The following SYN3 variants were observed in gnomAD, a reference collection of about 807,000 sequenced individuals.
SYN3 encodes the protein synapsin III.
SYN3 carries 35 observed loss-of-function variants against 65.8 expected under a neutral mutation model. The ratio of observed to expected loss-of-function variants is 0.53; its 90% confidence interval spans 0.41 to 0.70. The LOEUF is 0.70. SYN3 is among the 30% of genes least tolerant of loss of function. The pLI is 0.00. For missense variants in SYN3, 680 were observed against 749.0 expected, an observed-to-expected ratio of 0.91 and a Z score of 1.08; for synonymous variants, 270 against 292.9, an observed-to-expected ratio of 0.92 and a Z score of 0.80.
intron 6 of SYN3, among the ~76,000 whole-genome samples, chr22:32,715,599 T>C (rs2061026554): frequency 1.3e-5 from 2 of 151,782 alleles, no homozygotes; most frequent in Non-Finnish European, 2.9e-5. Context: ...GCCAAGATGG[T>C]GAAACCCCGT....
At chr22:32,657,981 G>A (rs1197807546) in intron 6 of SYN3, among the ~76,000 whole-genome samples, 4 of 152,218 alleles carry the variant, frequency 2.6e-5, no homozygotes, top group Admixed American at 2.6e-4. Flanking sequence ...CTCCCTCAGT[G>A]CCCTGCAGAG....
intron 12 of SYN3, among the ~76,000 whole-genome samples, chr22:32,527,452 T>C (rs1275944568): frequency 6.6e-6 from 1 of 151,990 alleles, no homozygotes; most frequent in African/African-American, 2.4e-5. Context: ...CTACAAAAAT[T>C]AGCTGGGCGT....
At chr22:33,042,141 A>G in intron 1 of SYN3, among the ~76,000 whole-genome samples, 1 of 152,164 alleles carries the variant, frequency 6.6e-6, no homozygotes, top group South Asian at 2.1e-4. Context: ...GCAAACCAGG[A>G]AAAAGGGCCC....
At chr22:32,556,856 G>C (rs191408961) in intron 7 of SYN3, among the ~76,000 whole-genome samples, 2 of 125,020 alleles carry the variant, frequency 1.6e-5, no homozygotes, top group African/African-American at 6.5e-5. Flanking sequence ...ATGGGGTCTT[G>C]CTGTGTTGCC....
intron 6 of SYN3, among the ~76,000 whole-genome samples, chr22:32,634,353 T>A (rs2059786421): frequency 1.3e-5 from 2 of 152,164 alleles, no homozygotes; most frequent in South Asian, 4.1e-4. Flanking sequence ...AGAAGCATGA[T>A]CACCCAAATC....
At chr22:32,870,260 T>C (rs1390201770) in intron 4 of SYN3, among the ~76,000 whole-genome samples, 1 of 152,210 alleles carries the variant, frequency 6.6e-6, no homozygotes, top group African/African-American at 2.4e-5. Flanking sequence ...ATATACATTT[T>C]TGATCCAATG....
At chr22:32,964,779 A>T (rs2051774825) in intron 3 of SYN3, among the ~76,000 whole-genome samples, 1 of 152,224 alleles carries the variant, frequency 6.6e-6, no homozygotes, top group African/African-American at 2.4e-5. Context: ...CCATATACTC[A>T]GAACTCCACA....
chr22:32,587,137 G>A (rs1315147637), intron 7 of SYN3, among the ~76,000 whole-genome samples: 6 of 149,798 alleles, frequency 4.0e-5, no homozygotes, highest in Non-Finnish European at 7.4e-5. Flanking sequence ...CAGGAGAATC[G>A]CTTGAACCTG....
At chr22:32,876,528 A>G (rs1383078227) in intron 4 of SYN3, among the ~76,000 whole-genome samples, 1 of 152,136 alleles carries the variant, frequency 6.6e-6, no homozygotes, top group African/African-American at 2.4e-5. Flanking sequence ...TGCTGGCCTT[A>G]AAGAGTGAGA....
intron 6 of SYN3, among the ~76,000 whole-genome samples, chr22:32,663,375 T>C (rs1289566153): frequency 6.6e-6 from 1 of 151,326 alleles, no homozygotes; most frequent in African/African-American, 2.4e-5. Context: ...CTTGGCTCAC[T>C]GCAAGCTCCG....
At chr22:32,615,419 G>A (rs1186719906) in intron 6 of SYN3, among the ~76,000 whole-genome samples, 1 of 106,034 alleles carries the variant, frequency 9.4e-6, no homozygotes, top group Non-Finnish European at 1.8e-5. Context: ...GGGCGTCAGA[G>A]CAAGACTTCA....
intron 6 of SYN3, among the ~76,000 whole-genome samples, chr22:32,671,300 GCA>G (rs888069005): frequency 2.0e-5 from 3 of 150,350 alleles, no homozygotes; most frequent in African/African-American, 7.4e-5. Flanking sequence ...TCACAGACAC[GCA>G]CACATTCACA....
intron 6 of SYN3, among the ~76,000 whole-genome samples, chr22:32,606,073 GGCC>G (rs2059367904): frequency 6.6e-6 from 1 of 152,200 alleles, no homozygotes; most frequent in Non-Finnish European, 1.5e-5. Flanking sequence ...GGATGCCCAG[GGCC>G]TGGCTGGCCT....
chr22:32,747,844 T>G (rs1159020550), intron 6 of SYN3, among the ~76,000 whole-genome samples: 1 of 152,232 alleles, frequency 6.6e-6, no homozygotes, highest in African/African-American at 2.4e-5. Flanking sequence ...GGGCCTGCCC[T>G]GTCCACTCAT....
chr22:32,580,511 G>A (rs999775509), intron 7 of SYN3, among the ~76,000 whole-genome samples: 4 of 152,084 alleles, frequency 2.6e-5, no homozygotes, highest in Admixed American at 6.5e-5. Flanking sequence ...AGTTGTGTAT[G>A]TATAGGAAAA....
intron 7 of SYN3, among the ~76,000 whole-genome samples, chr22:32,580,355 G>A (rs183426585): frequency 1.1e-4 from 16 of 152,346 alleles, no homozygotes; most frequent in Admixed American, 9.8e-4. Flanking sequence ...AAATAGGTGA[G>A]TACTATACAG....
intron 6 of SYN3, among the ~76,000 whole-genome samples, chr22:32,693,971 A>C (rs2060702300): frequency 1.3e-5 from 2 of 151,900 alleles, no homozygotes; most frequent in African/African-American, 4.8e-5. Flanking sequence ...ATTTGGTTGA[A>C]ATCTGTCATC....
At chr22:32,581,048 G>A (rs1484040752) in intron 7 of SYN3, among the ~76,000 whole-genome samples, 1 of 152,202 alleles carries the variant, frequency 6.6e-6, no homozygotes, top group East Asian at 1.9e-4. Flanking sequence ...TTTTTTAAGA[G>A]TGCGTTACCT....
At chr22:32,904,185 C>T (rs1393560322) in intron 4 of SYN3, among the ~76,000 whole-genome samples, 1 of 152,200 alleles carries the variant, frequency 6.6e-6, no homozygotes, top group Non-Finnish European at 1.5e-5. Context: ...TGGGTATCCC[C>T]ATCTGGACTA....
Sources: allele counts gnomAD v4.1 joint callset (sites outside exome capture counted in the v4.1 genomes callset), GRCh38; gene constraint gnomAD v4.1.1; transcripts MANE v1.5; gene names NCBI Gene and HGNC (gene_info 2026-07-23, HGNC 2026-07-21).